Variants in ADGRL2 observed in about 807,000 individuals in gnomAD.
The protein encoded by ADGRL2 is adhesion G protein-coupled receptor L2, also known as calcium-independent alpha-latrotoxin receptor 2.
Under a neutral mutation model 157.4 loss-of-function variants are expected in ADGRL2, and 44 were observed. That is an observed-to-expected ratio of 0.28 (90% confidence interval 0.22 to 0.36). ADGRL2 has a LOEUF of 0.36. ADGRL2 is among the 10% of genes least tolerant of loss of function. The probability of loss-of-function intolerance (pLI) is 1.00; values close to 1 mark genes in which losing one functional copy is unlikely to be tolerated. For missense variants in ADGRL2, 1,510 were observed against 1,768.9 expected (o/e 0.85, Z 2.63); for synonymous variants, 585 against 624.7 (o/e 0.94, Z 0.95).
chr1:81,676,691 T>A (rs111591936), intron 3 of ADGRL2, among the ~76,000 whole-genome samples: 3,519 of 152,086 alleles, frequency 0.023, 134 homozygotes, highest in African/African-American at 0.08. Context: ...TATTTTATTT[T>A]ATTTTATTTT....
intron 3 of ADGRL2, among the ~76,000 whole-genome samples, chr1:81,584,049 T>C (rs2080972117): frequency 6.6e-6 from 1 of 152,188 alleles, no homozygotes; most frequent in Non-Finnish European, 1.5e-5. Context: ...TCTCTGAGAT[T>C]AGGCACACGC....
intron 1 of ADGRL2, chr1:81,426,377 A>G (rs1018170573): frequency 6.7e-6 from 2 of 297,764 alleles, no homozygotes; most frequent in African/African-American, 2.3e-5. Flanking sequence ...TCTTGCTTCT[A>G]TGGTTTTCTC....
At chr1:81,433,122 G>A (rs1030737240) in intron 1 of ADGRL2, among the ~76,000 whole-genome samples, 1 of 151,906 alleles carries the variant, frequency 6.6e-6, no homozygotes, top group Non-Finnish European at 1.5e-5. Flanking sequence ...CTTAGACAAG[G>A]GATGTAACAT....
intron 1 of ADGRL2, among the ~76,000 whole-genome samples, chr1:81,736,701 C>A (rs546784544): frequency 1.1e-3 from 169 of 152,260 alleles, no homozygotes; most frequent in African/African-American, 3.8e-3. Context: ...AAATCCTGAG[C>A]AGAGCCTAAG....
At chr1:81,629,002 G>T (rs1398404384) in intron 3 of ADGRL2, among the ~76,000 whole-genome samples, 2 of 152,148 alleles carry the variant, frequency 1.3e-5, no homozygotes, top group Non-Finnish European at 2.9e-5. Context: ...AGTCTCATTA[G>T]AGTTTTCTAG....
intron 2 of ADGRL2, among the ~76,000 whole-genome samples, chr1:81,448,965 A>C (rs2077655225): frequency 6.6e-6 from 1 of 152,212 alleles, no homozygotes; most frequent in Admixed American, 6.5e-5. Context: ...ATAGAAGTAA[A>C]ATTAACATAT....
rs375328352 is a variant in ADGRL2, at chr1:81,351,604, A to C, written c.-302+45095A>C. On this transcript the variant is annotated intron_variant, in intron 1 of 24. Transcript: ENST00000370721. ...AAAAAATGATTCCAGATTAATTGTT[A>C]AAAAAAAAAAGTCCTTGATGTATTT... Among the ~76,000 whole-genome samples the C allele has an allele frequency of 2.2e-4, 10 of 46,298 alleles. No individual in the cohort carries two copies. In the Admixed American group the frequency reaches 3.0e-3, roughly 14 times the overall value. 30.4% of individuals were successfully genotyped at this position (46,298 alleles called of 152,430 possible). A position where few individuals can be genotyped will look rare whatever the true frequency, so the allele number is the denominator to read the frequency against.
At chr1:81,925,959 T>A (rs1425262494) in intron 3 of ADGRL2, among the ~76,000 whole-genome samples, 2 of 152,062 alleles carry the variant, frequency 1.3e-5, no homozygotes, top group Non-Finnish European at 2.9e-5. Flanking sequence ...AAGGTGAATT[T>A]AAAATAGCCG....
At chr1:81,912,058 C>T (rs911727872) in intron 3 of ADGRL2, among the ~76,000 whole-genome samples, 1 of 151,300 alleles carries the variant, frequency 6.6e-6, no homozygotes, top group East Asian at 2.0e-4. Context: ...TATGATGTTT[C>T]TTTTATTTTT....
intron 1 of ADGRL2, among the ~76,000 whole-genome samples, chr1:81,312,480 C>G (rs955229192): frequency 3.3e-5 from 5 of 152,110 alleles, no homozygotes; most frequent in Non-Finnish European, 7.4e-5. Flanking sequence ...CTTTCTTTCC[C>G]CTTCTGGGTG....
chr1:81,454,384 T>C (rs1209627351), intron 2 of ADGRL2, among the ~76,000 whole-genome samples: 3 of 152,196 alleles, frequency 2.0e-5, no homozygotes, highest in East Asian at 3.9e-4. Context: ...TCTGCTCTCA[T>C]GGTGATTCAT....
At chr1:81,608,352 C>G (rs990009650) in intron 3 of ADGRL2, among the ~76,000 whole-genome samples, 1 of 152,172 alleles carries the variant, frequency 6.6e-6, no homozygotes, top group Non-Finnish European at 1.5e-5. Context: ...GACTCTCGCT[C>G]CAGAACCAGC....
chr1:81,683,939 C>T (rs1349201406), intron 3 of ADGRL2, among the ~76,000 whole-genome samples: 2 of 152,084 alleles, frequency 1.3e-5, no homozygotes, highest in South Asian at 4.2e-4. Flanking sequence ...GCCTCAGCCT[C>T]CTGAGTAGCT....
chr1:81,449,127 C>A (rs960016491), intron 2 of ADGRL2, among the ~76,000 whole-genome samples: 1 of 151,812 alleles, frequency 6.6e-6, no homozygotes, highest in Non-Finnish European at 1.5e-5. Context: ...CTTTTGGGGG[C>A]TAAATAACCA....
chr1:81,727,911 T>G (rs1239768954), intron 1 of ADGRL2, among the ~76,000 whole-genome samples: 1 of 152,088 alleles, frequency 6.6e-6, no homozygotes, highest in Non-Finnish European at 1.5e-5. Context: ...ACAAGTTCCA[T>G]GTAGGCAAAG....
At chr1:81,488,964 A>G (rs1339787080) in intron 2 of ADGRL2, among the ~76,000 whole-genome samples, 2 of 152,098 alleles carry the variant, frequency 1.3e-5, no homozygotes, top group South Asian at 4.1e-4. Context: ...GGCTGGGTGC[A>G]GTGGCTCACA....
intron 2 of ADGRL2, among the ~76,000 whole-genome samples, chr1:81,540,202 C>T (rs189886909): frequency 6.6e-5 from 10 of 152,132 alleles, no homozygotes; most frequent in Admixed American, 2.0e-4. Context: ...AATCTTAAAA[C>T]TTTTTTCCTA....
At chr1:81,632,637 T>C (rs2082033740) in intron 3 of ADGRL2, among the ~76,000 whole-genome samples, 1 of 151,910 alleles carries the variant, frequency 6.6e-6, no homozygotes, top group Admixed American at 6.6e-5. Context: ...CAGGCGCCTG[T>C]AGTCCCAACT....
intron 3 of ADGRL2, among the ~76,000 whole-genome samples, chr1:81,931,108 C>T (rs2095221436): frequency 6.6e-6 from 1 of 152,150 alleles, no homozygotes; most frequent in South Asian, 2.1e-4. Flanking sequence ...AAGATCGTGC[C>T]ACTGCACTCT....
Sources: gnomAD v4.1 joint callset for allele counts (sites outside exome capture counted in the v4.1 genomes callset) on GRCh38, gnomAD v4.1.1 for gene constraint, MANE v1.5 for transcripts, NCBI Gene and HGNC (gene_info 2026-07-23, HGNC 2026-07-21) for gene names.